NTM: variants seen among roughly 807,000 people sequenced by gnomAD.
The protein encoded by NTM is IgLON family member 2.
NTM carries 13 observed loss-of-function variants against 42.1 expected under a neutral mutation model. That is an observed-to-expected ratio of 0.31 (90% CI 0.20 to 0.49). The LOEUF (loss-of-function observed/expected upper bound fraction) is 0.49. Among genes scored for constraint, NTM ranks in the 20% least tolerant of loss-of-function variants. The probability of loss-of-function intolerance (pLI) is 0.99; values close to 1 mark genes in which losing one functional copy is unlikely to be tolerated. For missense variants in NTM, 373 were observed against 452.8 expected (o/e 0.82, Z 1.60); for synonymous variants, 187 against 179.2 (o/e 1.04, Z -0.35).
intron 1 of NTM, among the ~76,000 whole-genome samples, chr11:131,789,619 GAAGAAGAAGAAGAAGA>G (rs1565552789): frequency 1.8e-4 from 15 of 85,318 alleles, no homozygotes; most frequent in Non-Finnish European, 3.3e-4. Context: ...AGAAGAAGAA[GAAGAAGAAGAAGAAGA>G]AAAGAAGAAG....
At chr11:131,755,201 A>G (rs1182886850) in intron 1 of NTM, among the ~76,000 whole-genome samples, 1 of 152,214 alleles carries the variant, frequency 6.6e-6, no homozygotes, top group Non-Finnish European at 1.5e-5. Context: ...TATACAATAA[A>G]AATTGGTTTA....
intron 1 of NTM, among the ~76,000 whole-genome samples, chr11:131,903,134 A>G (rs1281194883): frequency 1.4e-4 from 1 of 7,206 alleles, no homozygotes; most frequent in East Asian, 0.01. Flanking sequence ...GAAGAGAAGA[A>G]AAAAAAAAAT....
intron 1 of NTM, among the ~76,000 whole-genome samples, chr11:131,710,165 C>T (rs776221355): frequency 6.6e-6 from 1 of 152,134 alleles, no homozygotes; most frequent in Non-Finnish European, 1.5e-5. Context: ...TGCCAGATAC[C>T]AGATTCTTTC....
At chr11:132,043,868 T>C (rs1033221327) in intron 2 of NTM, among the ~76,000 whole-genome samples, 3 of 152,198 alleles carry the variant, frequency 2.0e-5, no homozygotes, top group Non-Finnish European at 4.4e-5. Flanking sequence ...CACTTTGTCC[T>C]GAGAACCATT....
intron 2 of NTM, among the ~76,000 whole-genome samples, chr11:132,129,575 A>G (rs533407529): frequency 9.8e-5 from 15 of 152,322 alleles, no homozygotes; most frequent in African/African-American, 3.6e-4. Context: ...TTTCATGCCT[A>G]CCTAGAAGTA....
At chr11:131,409,007 G>A (rs375795744) in intron 1 of NTM, among the ~76,000 whole-genome samples, 6 of 152,176 alleles carry the variant, frequency 3.9e-5, no homozygotes, top group Admixed American at 2.6e-4. Context: ...GCCAAGCACC[G>A]TGCCAGGCAG....
intron 2 of NTM, among the ~76,000 whole-genome samples, chr11:132,138,425 G>C (rs1377489447): frequency 6.6e-6 from 1 of 152,134 alleles, no homozygotes; most frequent in Non-Finnish European, 1.5e-5. Flanking sequence ...TCCAAATAAA[G>C]CAGGAAGTCA....
chr11:132,219,688 G>T (rs963034966), intron 4 of NTM, among the ~76,000 whole-genome samples: 16 of 151,844 alleles, frequency 1.1e-4, no homozygotes, highest in Admixed American at 3.3e-4. Context: ...CTGTGAAATA[G>T]AGATAATAAT....
chr11:131,660,861 C>G, intron 1 of NTM: 1 of 1,231,390 alleles, frequency 8.1e-7, no homozygotes. Flanking sequence ...AAGTCGGAAG[C>G]TGGCCTTGAT....
At chr11:131,752,083 G>C (rs1187828795) in intron 1 of NTM, among the ~76,000 whole-genome samples, 1 of 152,168 alleles carries the variant, frequency 6.6e-6, no homozygotes, top group East Asian at 1.9e-4. Context: ...CTATGATAAT[G>C]GCTAGAAGTT....
rs2063767149 is a variant in NTM at position 131,632,647 on chromosome 11, T to G, written c.82+261759T>G. 1.3e-5 allele frequency among the ~76,000 whole-genome samples: 2 copies of G among 151,004 alleles called. 1 individual carries two copies. Among genetic ancestry groups the G allele is most frequent in the African/African-American group, 4.8e-5 (2 of 41,348 alleles). ...GTTTGTAGAGCTGCCATAGCACTAC[T>G]TTTCATCTTGGTCATGCTCGGGCAG... On this transcript the variant is annotated intron_variant, in intron 1 of 8. Transcript: ENST00000683400.
intron 2 of NTM, among the ~76,000 whole-genome samples, chr11:132,136,527 C>T (rs1365734889): frequency 6.6e-6 from 1 of 152,198 alleles, no homozygotes; most frequent in East Asian, 1.9e-4. Context: ...TTTCCAGCCA[C>T]TCCCTCCCAC....
intron 1 of NTM, among the ~76,000 whole-genome samples, chr11:131,846,635 T>G (rs1425015179): frequency 6.6e-6 from 1 of 152,188 alleles, no homozygotes; most frequent in African/African-American, 2.4e-5. Context: ...GAATTTTAAA[T>G]ATAACTATTG....
rs1166568115 is a variant in NTM at position 132,336,471 on chromosome 11, T to G, written c.*1325T>G. ...GCTAGGCCACCCCAGGTGGCCCCGC[T>G]TTCTCCATTCTGCCCTGTGGCGTTA... On this transcript the variant is annotated 3_prime_UTR_variant, in exon 9 of 9. Transcript: ENST00000683400. 3 of 152,356 alleles carry G rather than the reference T, an allele frequency of 2.0e-5. No homozygotes were observed. The highest frequency in any genetic ancestry group is 4.4e-5 in the Non-Finnish European group (3 of 68,020). 9.4% of individuals were successfully genotyped at this position (152,356 alleles called of 1,614,324 possible). A position where few individuals can be genotyped will look rare whatever the true frequency, so the allele number is the denominator to read the frequency against.
chr11:132,018,192 C>G (rs1039989466), intron 2 of NTM, among the ~76,000 whole-genome samples: 23 of 151,792 alleles, frequency 1.5e-4, no homozygotes, highest in African/African-American at 5.3e-4. Context: ...CTTTCTCCCT[C>G]CCTCATTCAC....
chr11:131,511,889 T>C (rs1175872278), intron 1 of NTM, among the ~76,000 whole-genome samples: 2 of 152,234 alleles, frequency 1.3e-5, no homozygotes, highest in African/African-American at 4.8e-5. Flanking sequence ...CCTTTCAAAA[T>C]ATGAAAGCGG....
chr11:131,444,773 A>G (rs1395575064), intron 1 of NTM, among the ~76,000 whole-genome samples: 3 of 152,168 alleles, frequency 2.0e-5, no homozygotes, highest in African/African-American at 7.2e-5. Context: ...TCAAGGATAC[A>G]AGTGGAATCA....
At chr11:131,827,124 C>T (rs1348157201) in intron 1 of NTM, among the ~76,000 whole-genome samples, 2 of 152,032 alleles carry the variant, frequency 1.3e-5, no homozygotes, top group Non-Finnish European at 2.9e-5. Flanking sequence ...GCTATTATTC[C>T]CACCTTCATT....
At chr11:131,441,805 C>G (rs1219917785) in intron 1 of NTM, among the ~76,000 whole-genome samples, 3 of 152,308 alleles carry the variant, frequency 2.0e-5, no homozygotes, top group African/African-American at 7.2e-5. Flanking sequence ...TGGTATCTCT[C>G]TGTAGCTTTT....
Sources: gnomAD v4.1 joint callset for allele counts (sites outside exome capture counted in the v4.1 genomes callset) on GRCh38, gnomAD v4.1.1 for gene constraint, MANE v1.5 for transcripts, NCBI Gene and HGNC (gene_info 2026-07-23, HGNC 2026-07-21) for gene names.